The following FOXP2 variants were observed in gnomAD, a reference collection of about 807,000 sequenced individuals.
FOXP2 encodes the protein forkhead box P2.
Under a neutral mutation model 115.8 loss-of-function variants are expected in FOXP2, and 12 were observed. The ratio of observed to expected loss-of-function variants is 0.10; its 90% CI spans 0.07 to 0.17. The LOEUF (loss-of-function observed/expected upper bound fraction) is 0.17, where lower values mean the gene tolerates loss of function less well. Ranked by LOEUF, FOXP2 falls within the 10% of genes least tolerant of loss-of-function variation. The probability of loss-of-function intolerance (pLI) is 1.00; values close to 1 mark genes in which losing one functional copy is unlikely to be tolerated. For missense variants in FOXP2, 629 were observed against 843.5 expected, an observed-to-expected ratio of 0.75 and a Z score of 3.15; for synonymous variants, 328 against 297.7, an observed-to-expected ratio of 1.10 and a Z score of -1.05.
intron 2 of FOXP2, among the ~76,000 whole-genome samples, chr7:114,373,104 T>C (rs769147088): frequency 1.3e-3 from 191 of 152,216 alleles, no homozygotes; most frequent in Admixed American, 5.2e-3. Context: ...GCCATTCTCC[T>C]GCCTCAGCCT....
At chr7:114,258,268 C>T (rs1486414292) in intron 1 of FOXP2, among the ~76,000 whole-genome samples, 1 of 152,116 alleles carries the variant, frequency 6.6e-6, no homozygotes, top group African/African-American at 2.4e-5. Context: ...GTTATAAAAA[C>T]AGGATGTACA....
intron 3 of FOXP2, among the ~76,000 whole-genome samples, chr7:114,556,318 G>A (rs1800450848): frequency 6.6e-6 from 1 of 151,724 alleles, no homozygotes; most frequent in Non-Finnish European, 1.5e-5. Context: ...TATCCTTATT[G>A]GCAAGAAAAG....
chr7:114,255,456 G>A (rs1259852048), intron 1 of FOXP2, among the ~76,000 whole-genome samples: 1 of 152,176 alleles, frequency 6.6e-6, no homozygotes, highest in Non-Finnish European at 1.5e-5. Context: ...GAGCTTCTGG[G>A]CTGCTTCGTT....
At chr7:114,297,327 G>A in intron 2 of FOXP2, 1 of 590,862 alleles carries the variant, frequency 1.7e-6, no homozygotes, top group Non-Finnish European at 3.2e-6. Flanking sequence ...GGTGTGCTTG[G>A]TCAGGCGCCC....
intron 3 of FOXP2, among the ~76,000 whole-genome samples, chr7:114,575,646 T>C (rs188376241): frequency 2.0e-5 from 3 of 151,964 alleles, no homozygotes; most frequent in East Asian, 1.9e-4. Flanking sequence ...AGAAGAATCA[T>C]AGCTAAAATA....
chr7:114,478,086 G>A (rs1393432557), intron 2 of FOXP2, among the ~76,000 whole-genome samples: 1 of 151,858 alleles, frequency 6.6e-6, no homozygotes, highest in Non-Finnish European at 1.5e-5. Context: ...GGAAGAAAAT[G>A]TAGTAGAGTG....
At chr7:114,561,260 G>C (rs556603289) in intron 3 of FOXP2, 1 of 152,280 alleles carries the variant, frequency 6.6e-6, no homozygotes, top group East Asian at 1.9e-4. Flanking sequence ...TTAACTTTGA[G>C]TTGGTTTGCT....
intron 2 of FOXP2, among the ~76,000 whole-genome samples, chr7:114,434,976 T>C (rs1441173644): frequency 6.6e-6 from 1 of 152,172 alleles, no homozygotes; most frequent in Non-Finnish European, 1.5e-5. Flanking sequence ...TGTTATAGCA[T>C]ATCCCAAAAT....
intron 3 of FOXP2, among the ~76,000 whole-genome samples, chr7:114,541,547 CA>C (rs1462507483): frequency 1.3e-5 from 2 of 152,078 alleles, no homozygotes; most frequent in Admixed American, 1.3e-4. Flanking sequence ...CATTCTTCAT[CA>C]TTCATCAGTA....
intron 1 of FOXP2, among the ~76,000 whole-genome samples, chr7:114,241,788 C>T (rs1795162492): frequency 6.6e-6 from 1 of 151,378 alleles, no homozygotes. Context: ...AATTTGTGGA[C>T]TTTAAGTAGG....
intron 1 of FOXP2, among the ~76,000 whole-genome samples, chr7:114,199,064 A>C (rs1356677148): frequency 6.6e-6 from 1 of 152,142 alleles, no homozygotes; most frequent in East Asian, 1.9e-4. Context: ...CCCAGCCTGG[A>C]GTGAGTGCAG....
chr7:114,353,811 A>G (rs1252371904), intron 2 of FOXP2, among the ~76,000 whole-genome samples: 2 of 152,024 alleles, frequency 1.3e-5, no homozygotes, highest in East Asian at 1.9e-4. Flanking sequence ...TTCTGCCCCA[A>G]TCTACATCTC....
intron 5 of FOXP2, among the ~76,000 whole-genome samples, 166 bp downstream of exon 5, chr7:114,630,171 C>CT (rs538073563): frequency 1.2e-4 from 19 of 152,114 alleles, no homozygotes; most frequent in Non-Finnish European, 2.6e-4. Flanking sequence ...TCAGGCTCTC[C>CT]TTTTTTGTAG....
Position 114,585,793 on chromosome 7 carries a change from G to A in FOXP2, c.259-42747G>A, listed in dbSNP as rs760724227. 5.3e-4 allele frequency among the ~76,000 whole-genome samples: 81 copies of A among 152,266 alleles called. 1 individual carries two copies. In the Middle Eastern group the frequency reaches 0.017, roughly 32 times the overall value. ...GAAGTGGGAGAATCTCTTTAACTCAGGAGGCACAGGTTGCAGGGAGCTGAA... is the reference window on the plus strand; with the variant it reads ...GAAGTGGGAGAATCTCTTTAACTCAAGAGGCACAGGTTGCAGGGAGCTGAA... On this transcript the variant is annotated intron_variant, in intron 3 of 16. Coordinates refer to ENST00000350908, the MANE Select transcript of FOXP2 (RefSeq NM_014491.4).
At chr7:114,426,769 T>G in intron 2 of FOXP2, 90 bp downstream of exon 2, 1 of 1,312,454 alleles carries the variant, frequency 7.6e-7, no homozygotes, top group South Asian at 1.3e-5. Flanking sequence ...CTGAGCATGT[T>G]GTGTTAAGCT....
rs530688887 is a variant in FOXP2 at position 114,669,124 on chromosome 7, A to C, written c.2003+4688A>C. On this transcript the variant is annotated intron_variant, in intron 16 of 16. Coordinates refer to ENST00000350908, the MANE Select transcript of FOXP2 (RefSeq NM_014491.4). ...TTACGTGAGTAAAAAGTGGCTTTCC[A>C]CTTTGAGTAGAATGAGGCCCCTTCA... 6 of 152,138 alleles carry C rather than the reference A, an allele frequency of 3.9e-5. No homozygotes were observed. The South Asian group carries it at 1.2e-3, about 32-fold the overall frequency. The allele number at this position is 152,138 out of a possible 1,614,324, so 9.4% of individuals were successfully genotyped here. A position where few individuals can be genotyped will look rare whatever the true frequency, so the allele number is the denominator to read the frequency against.
At position 114,293,556 on chromosome 7, in the gene FOXP2, T is replaced by G. The variant is rs574824191; in HGVS notation, c.-11+5447T>G. Among the ~76,000 whole-genome samples, 102 of 152,322 alleles carry G rather than the reference T, an allele frequency of 6.7e-4. 1 individual carries two copies. Among genetic ancestry groups the G allele is most frequent in the African/African-American group, 2.4e-3 (100 of 41,574 alleles). On this transcript the variant is annotated intron_variant, in intron 2 of 17. Transcript: ENST00000634411. ...ATTTGGCTGTGTCAGCACCCAGATC[T>G]CATCTTGAATTGCAGTTTTCATAAT...
intron 8 of FOXP2, chr7:114,645,307 A>G (rs1805828653): frequency 6.6e-6 from 1 of 151,248 alleles, no homozygotes. Context: ...GCTAAAATTA[A>G]AAAAACTACA....
intron 2 of FOXP2, among the ~76,000 whole-genome samples, chr7:114,374,365 A>C (rs1792089718): frequency 6.6e-6 from 1 of 152,220 alleles, no homozygotes; most frequent in South Asian, 2.1e-4. Context: ...TCCTCAGTTT[A>C]TTCAAAATAA....
Sources: allele counts gnomAD v4.1 joint callset (sites outside exome capture counted in the v4.1 genomes callset), GRCh38; gene constraint gnomAD v4.1.1; transcripts MANE v1.5; gene names NCBI Gene and HGNC (gene_info 2026-07-23, HGNC 2026-07-21).